The following FRMD5 variants were observed in gnomAD, a reference collection of about 807,000 sequenced individuals.
FRMD5 encodes the protein FERM domain containing 5, also known as FERM domain-containing protein 5.
FRMD5 carries 20 observed loss-of-function variants against 69.0 expected under a neutral mutation model. The observed-to-expected ratio is 0.29, with a 90% CI of 0.20 to 0.42. The LOEUF (loss-of-function observed/expected upper bound fraction) is 0.42. Among genes scored for constraint, FRMD5 ranks in the 10% least tolerant of loss-of-function variants. FRMD5 has a pLI of 1.00. For missense variants in FRMD5, 595 were observed against 708.6 expected (o/e 0.84, Z 1.82); for synonymous variants, 271 against 260.1 (o/e 1.04, Z -0.40).
At chr15:43,931,468 T>A (rs1357749803) in intron 1 of FRMD5, among the ~76,000 whole-genome samples, 1 of 152,138 alleles carries the variant, frequency 6.6e-6, no homozygotes, top group East Asian at 1.9e-4. Context: ...ACAGCTGCAC[T>A]TCTCATACAA....
intron 1 of FRMD5, among the ~76,000 whole-genome samples, chr15:43,947,654 A>G (rs1034821159): frequency 6.6e-6 from 1 of 152,206 alleles, no homozygotes; most frequent in Non-Finnish European, 1.5e-5. Context: ...GGTGAGGACA[A>G]TCAGAAAGGC....
chr15:44,185,749 T>C (rs769824307), intron 1 of FRMD5, among the ~76,000 whole-genome samples: 21 of 151,154 alleles, frequency 1.4e-4, no homozygotes, highest in South Asian at 8.4e-4. Context: ...GCCGACATCA[T>C]ACCACTGAAC....
chr15:44,177,975 A>G (rs935176082), intron 1 of FRMD5, among the ~76,000 whole-genome samples: 2 of 152,230 alleles, frequency 1.3e-5, no homozygotes, highest in African/African-American at 4.8e-5. Context: ...ATAGAACTGT[A>G]CAGCTAAAAA....
chr15:44,110,998 T>C (rs2076788374), intron 1 of FRMD5, among the ~76,000 whole-genome samples: 1 of 152,202 alleles, frequency 6.6e-6, no homozygotes, highest in Non-Finnish European at 1.5e-5. Context: ...ATAATGCTAC[T>C]TCCAAAGGAA....
At chr15:44,175,444 TA>T (rs1257460067) in intron 1 of FRMD5, among the ~76,000 whole-genome samples, 2 of 152,156 alleles carry the variant, frequency 1.3e-5, no homozygotes, top group African/African-American at 2.4e-5. Flanking sequence ...AATAACTTTT[TA>T]AAAAAATGTT....
At chr15:44,147,106 G>C (rs1329315911) in intron 1 of FRMD5, among the ~76,000 whole-genome samples, 1 of 152,112 alleles carries the variant, frequency 6.6e-6, no homozygotes, top group African/African-American at 2.4e-5. Flanking sequence ...TTCTTCTAGG[G>C]TTTTTATAGT....
intron 1 of FRMD5, among the ~76,000 whole-genome samples, chr15:43,927,316 A>G (rs1357873810): frequency 6.6e-6 from 1 of 151,518 alleles, no homozygotes; most frequent in Non-Finnish European, 1.5e-5. Context: ...CTAGCCTCAT[A>G]CTCCCTCTCA....
chr15:44,099,176 C>T (rs2076600328), intron 1 of FRMD5, among the ~76,000 whole-genome samples: 1 of 152,134 alleles, frequency 6.6e-6, no homozygotes, highest in African/African-American at 2.4e-5. Context: ...CAAGAGAGGT[C>T]GGGAAATTAG....
intron 1 of FRMD5, 63 bp from the exon 2 acceptor site, chr15:43,924,372 T>TA: frequency 8.1e-7 from 1 of 1,228,044 alleles, no homozygotes. Context: ...TTTTTTTTTT[T>TA]TTATAGCCAT....
intron 1 of FRMD5, among the ~76,000 whole-genome samples, chr15:44,184,783 C>A (rs1379472245): frequency 6.6e-6 from 1 of 152,160 alleles, no homozygotes; most frequent in Non-Finnish European, 1.5e-5. Context: ...AAGTAAAATT[C>A]TTCCACTTCT....
Position 43,873,085 on chromosome 15 carries a change from G to GAA in FRMD5, c.*798_*799dup. On this transcript the variant is annotated 3_prime_UTR_variant, in exon 14 of 14. Transcript: ENST00000417257. ...ACTATAAAAGTCTTGAGGTTCTTCG[G>GAA]AAAAAAAAAATCACGTTAAGTCTAG... is the stretch of plus-strand genomic sequence containing the variant. The GAA allele has an allele frequency of 1.2e-5, 14 of 1,192,242 alleles. No homozygotes were observed. The highest frequency in any genetic ancestry group is 4.4e-5 in the South Asian group (3 of 67,532). The allele number at this position is 1,192,242 out of a possible 1,614,324, so 73.9% of individuals were successfully genotyped here.
chr15:43,880,316 T>A (rs1021140591), intron 13 of FRMD5, among the ~76,000 whole-genome samples: 1 of 152,138 alleles, frequency 6.6e-6, no homozygotes, highest in East Asian at 1.9e-4. Context: ...CCTTGGGGTT[T>A]TTGTTGGTTG....
intron 1 of FRMD5, among the ~76,000 whole-genome samples, chr15:43,977,224 C>T (rs2090478016): frequency 1.3e-5 from 2 of 152,040 alleles, no homozygotes; most frequent in Non-Finnish European, 2.9e-5. Context: ...AAGGGCCAGG[C>T]TTTGTTGTGG....
intron 1 of FRMD5, among the ~76,000 whole-genome samples, chr15:44,030,018 C>T (rs1207773702): frequency 6.6e-6 from 1 of 152,142 alleles, no homozygotes; most frequent in Non-Finnish European, 1.5e-5. Context: ...AATAAGTGAA[C>T]AAACAAATCA....
chr15:44,171,680 C>G (rs1038407249), intron 1 of FRMD5, among the ~76,000 whole-genome samples: 1 of 152,170 alleles, frequency 6.6e-6, no homozygotes. Flanking sequence ...CCATTCCAGC[C>G]TCTGTCTTTC....
intron 1 of FRMD5, among the ~76,000 whole-genome samples, chr15:44,111,962 G>A (rs1338786819): frequency 6.6e-6 from 1 of 151,714 alleles, no homozygotes; most frequent in Non-Finnish European, 1.5e-5. Flanking sequence ...TCCTGCCTCA[G>A]CCTCCCGAGT....
chr15:44,122,317 C>A (rs2076964388), intron 1 of FRMD5, among the ~76,000 whole-genome samples: 1 of 150,384 alleles, frequency 6.6e-6, no homozygotes, highest in Non-Finnish European at 1.5e-5. Context: ...TAATCCAGCA[C>A]TTTGGGAGGC....
At chr15:43,945,295 A>C (rs570916221) in intron 1 of FRMD5, among the ~76,000 whole-genome samples, 19 of 152,304 alleles carry the variant, frequency 1.2e-4, no homozygotes, top group Non-Finnish European at 2.5e-4. Context: ...GAGTTGGTTC[A>C]ATAGGAAGTG....
intron 1 of FRMD5, among the ~76,000 whole-genome samples, chr15:43,985,338 T>C (rs573199389): frequency 2.0e-5 from 3 of 146,748 alleles, no homozygotes; most frequent in Non-Finnish European, 4.5e-5. Flanking sequence ...TTCTAGTTCC[T>C]ACTCTGCTTG....
Sources: allele counts gnomAD v4.1 joint callset (sites outside exome capture counted in the v4.1 genomes callset), GRCh38; gene constraint gnomAD v4.1.1; transcripts MANE v1.5; gene names NCBI Gene and HGNC (gene_info 2026-07-23, HGNC 2026-07-21).